Variants in PCDH15 observed in about 807,000 individuals in gnomAD.
The protein encoded by PCDH15 is protocadherin related 15.
A neutral mutation model predicts 178.5 loss-of-function variants in PCDH15; 129 were observed. The ratio of observed to expected loss-of-function variants is 0.72; its 90% CI spans 0.63 to 0.84. The LOEUF (loss-of-function observed/expected upper bound fraction) is 0.84, where lower values mean the gene tolerates loss of function less well. Ranked by LOEUF, PCDH15 falls within the 40% of genes least tolerant of loss-of-function variation. The pLI, the probability that PCDH15 is intolerant of heterozygous loss-of-function variation, is 0.00. For missense variants in PCDH15, 2,230 were observed against 2,099.9 expected (o/e 1.06, Z -1.21); for synonymous variants, 800 against 732.0 (o/e 1.09, Z -1.50).
At position 54,023,047 on chromosome 10, in the gene PCDH15, C is replaced by T; in HGVS notation, c.2371G>A (p.Ala791Thr). The stretch of plus-strand genomic sequence containing the variant: ...CGAGGGTGTACTGCTCCATCTGTTG[C>T]CACAACAACAAGTTCATAGTAGTCC... The part of the protein sequence containing the change: ...VRDYYELVVV[A>T]TDGAVHPRHS... The change falls in exon 19 of 38, where the codon GCA (alanine) becomes ACA (threonine). Residue 791 changes from alanine (A) to threonine (T), a missense_variant. By Grantham distance (58) the Ala-to-Thr change is moderately conservative. Transcript: ENST00000644397. 6.2e-7 allele frequency: 1 copy of T among 1,613,914 alleles called. No homozygotes were observed. The highest frequency in any genetic ancestry group is 8.5e-7 in the Non-Finnish European group (1 of 1,179,912).
intron 2 of PCDH15, among the ~76,000 whole-genome samples, chr10:55,421,150 G>T (rs949384871): frequency 3.3e-5 from 5 of 151,386 alleles, no homozygotes; most frequent in African/African-American, 1.2e-4. Context: ...CTGCCAAAAA[G>T]AAGTCAGAAA....
At chr10:54,750,102 TTCTC>T (rs1383977446) in intron 1 of PCDH15, among the ~76,000 whole-genome samples, 2 of 152,100 alleles carry the variant, frequency 1.3e-5, no homozygotes, top group African/African-American at 4.8e-5. Context: ...CTGTCTCTCT[TTCTC>T]TCTTTCTCTC....
intron 2 of PCDH15, among the ~76,000 whole-genome samples, chr10:55,429,982 T>G (rs10825508): frequency 2.0e-5 from 3 of 152,044 alleles, no homozygotes; most frequent in Non-Finnish European, 2.9e-5. Flanking sequence ...TTTATTTAAC[T>G]ATAACATTTA....
At chr10:55,004,146 T>C (rs1379373360) in intron 2 of PCDH15, among the ~76,000 whole-genome samples, 1 of 152,138 alleles carries the variant, frequency 6.6e-6, no homozygotes, top group Non-Finnish European at 1.5e-5. Context: ...TTGGTGGAAG[T>C]GGGGGAATGG....
chr10:55,155,151 C>G (rs1287113388), intron 2 of PCDH15, among the ~76,000 whole-genome samples: 1 of 151,904 alleles, frequency 6.6e-6, no homozygotes, highest in South Asian at 2.1e-4. Context: ...TGAAATGGTC[C>G]AACATGATGA....
At chr10:54,272,313 T>C (rs1266723303) in intron 8 of PCDH15, among the ~76,000 whole-genome samples, 2 of 151,832 alleles carry the variant, frequency 1.3e-5, no homozygotes, top group East Asian at 3.9e-4. Context: ...ATTTGATTAA[T>C]TGTACAGCTA....
intron 1 of PCDH15, among the ~76,000 whole-genome samples, chr10:55,192,337 GA>G (rs976512059): frequency 6.6e-6 from 1 of 151,228 alleles, no homozygotes; most frequent in African/African-American, 2.4e-5. Flanking sequence ...TGTTTGGCAG[GA>G]AAAAAAATAA....
chr10:55,205,013 T>A (rs573981212), intron 1 of PCDH15, among the ~76,000 whole-genome samples: 22 of 152,226 alleles, frequency 1.4e-4, no homozygotes, highest in African/African-American at 5.3e-4. Context: ...TTGTAAATAT[T>A]TGTTTGTTCT....
upstream of PCDH15, among the ~76,000 whole-genome samples, chr10:55,321,102 G>A (rs1843886831): frequency 6.7e-6 from 1 of 150,364 alleles, no homozygotes; most frequent in South Asian, 2.1e-4. Flanking sequence ...AAGGAAGGAA[G>A]GAAGGAAAGA....
At chr10:54,595,309 G>A (rs1457476211) in intron 2 of PCDH15, among the ~76,000 whole-genome samples, 1 of 152,186 alleles carries the variant, frequency 6.6e-6, no homozygotes, top group Non-Finnish European at 1.5e-5. Context: ...GTCTCCCAGA[G>A]TTAGAGCACA....
At chr10:55,351,705 G>A (rs1844939171) in intron 2 of PCDH15, among the ~76,000 whole-genome samples, 1 of 151,944 alleles carries the variant, frequency 6.6e-6, no homozygotes, top group African/African-American at 2.4e-5. Context: ...TTTTCATACT[G>A]ACCATCCTAC....
At chr10:55,020,387 A>T (rs1840294191) in intron 2 of PCDH15, among the ~76,000 whole-genome samples, 1 of 151,936 alleles carries the variant, frequency 6.6e-6, no homozygotes, top group Non-Finnish European at 1.5e-5. Flanking sequence ...AGAATGCAAA[A>T]AAAAAAAGAA....
chr10:53,861,474 T>C (rs1359127426), intron 27 of PCDH15, among the ~76,000 whole-genome samples: 1 of 152,122 alleles, frequency 6.6e-6, no homozygotes, highest in African/African-American at 2.4e-5. Flanking sequence ...TTCCATTTAT[T>C]CTCATAAGTT....
At chr10:54,639,774 G>C (rs1426273329) in intron 2 of PCDH15, among the ~76,000 whole-genome samples, 3 of 152,168 alleles carry the variant, frequency 2.0e-5, no homozygotes. Flanking sequence ...TGATGATTCT[G>C]AGGTTTTCAA....
rs541053719 is a variant in PCDH15 at position 55,067,869 on chromosome 10, G to T, written c.-80+98707C>A. ...ATGATGAGCATTTTTTCATAAGCCTGTTGGCCATTTGTATGTCTTTTTTTG... is the reference window on the plus strand; with the variant it reads ...ATGATGAGCATTTTTTCATAAGCCTTTTGGCCATTTGTATGTCTTTTTTTG... On this transcript the variant is annotated intron_variant, in intron 2 of 5. Coordinates refer to the PCDH15 transcript ENST00000458638. Among the ~76,000 whole-genome samples the T allele has an allele frequency of 9.9e-5, 15 of 152,020 alleles. No homozygotes were observed. In the East Asian group the frequency reaches 2.9e-3, roughly 29 times the overall value.
At chr10:55,174,450 G>A (rs562727738) in intron 1 of PCDH15, among the ~76,000 whole-genome samples, 1 of 152,270 alleles carries the variant, frequency 6.6e-6, no homozygotes, top group African/African-American at 2.4e-5. Context: ...GAGAAGCTTG[G>A]CCTCCAGAGG....
At chr10:53,924,808 G>C (rs1377600599) in intron 25 of PCDH15, among the ~76,000 whole-genome samples, 1 of 152,194 alleles carries the variant, frequency 6.6e-6, no homozygotes, top group East Asian at 1.9e-4. Flanking sequence ...CTAAGGGACT[G>C]TAAATACACC....
chr10:54,313,143 T>C (rs990329059), intron 8 of PCDH15, among the ~76,000 whole-genome samples: 5 of 152,080 alleles, frequency 3.3e-5, no homozygotes, highest in Admixed American at 6.6e-5. Flanking sequence ...TTTATTGATC[T>C]TCAGTTAAAG....
intron 2 of PCDH15, among the ~76,000 whole-genome samples, chr10:55,432,658 T>C (rs900429291): frequency 6.6e-6 from 1 of 152,178 alleles, no homozygotes; most frequent in African/African-American, 2.4e-5. Flanking sequence ...ATTTTGCTTA[T>C]ACACTGCTGG....
Sources: gnomAD v4.1 joint callset for allele counts (sites outside exome capture counted in the v4.1 genomes callset) on GRCh38, gnomAD v4.1.1 for gene constraint, MANE v1.5 for transcripts, NCBI Gene and HGNC (gene_info 2026-07-23, HGNC 2026-07-21) for gene names.